The following RAB38 variants were observed in gnomAD, a reference collection of about 807,000 sequenced individuals.
RAB38 encodes the protein RAB38, member RAS oncogene family.
A neutral mutation model predicts 18.4 loss-of-function variants in RAB38; 15 were observed. The observed-to-expected ratio is 0.82, with a 90% CI of 0.55 to 1.26. The LOEUF (loss-of-function observed/expected upper bound fraction) is 1.26, where lower values mean the gene tolerates loss of function less well. Among genes scored for constraint, RAB38 ranks in the 50% most tolerant of loss-of-function variants. The pLI, the probability that RAB38 is intolerant of heterozygous loss-of-function variation, is 0.00. For missense variants in RAB38, 294 were observed against 267.4 expected (o/e 1.10, Z -0.69); for synonymous variants, 101 against 104.4 (o/e 0.97, Z 0.20).
chr11:87,872,699 A>G, the RAB38 span, among the ~76,000 whole-genome samples: 2 of 151,500 alleles, frequency 1.3e-5, no homozygotes, highest in African/African-American at 2.4e-5. Context: ...ATTTCATTTT[A>G]CTTAATAGTA....
chr11:88,085,212 C>G, the RAB38 span, among the ~76,000 whole-genome samples: 1 of 151,878 alleles, frequency 6.6e-6, no homozygotes, highest in Non-Finnish European at 1.5e-5. Context: ...AGGGTGAGAA[C>G]CAACCTCATT....
the RAB38 span, among the ~76,000 whole-genome samples, chr11:87,964,260 C>G: frequency 6.6e-6 from 1 of 152,112 alleles, no homozygotes; most frequent in Non-Finnish European, 1.5e-5. Flanking sequence ...CGTGATCAGT[C>G]AGCAGGTCAG....
intron 1 of RAB38, among the ~76,000 whole-genome samples, chr11:88,162,953 A>T (rs1268971549): frequency 6.6e-6 from 1 of 152,044 alleles, no homozygotes; most frequent in African/African-American, 2.4e-5. Flanking sequence ...GATTCTACCC[A>T]TTCTTTAAGG....
At chr11:88,163,466 C>T (rs1489168767) in intron 1 of RAB38, among the ~76,000 whole-genome samples, 1 of 152,096 alleles carries the variant, frequency 6.6e-6, no homozygotes, top group Admixed American at 6.6e-5. Context: ...CAGAACCACC[C>T]AAACTCTTTT....
chr11:87,956,047 G>T, the RAB38 span, among the ~76,000 whole-genome samples: 5 of 151,956 alleles, frequency 3.3e-5, no homozygotes, highest in Admixed American at 2.0e-4. Flanking sequence ...AAAAGTCTCC[G>T]TTCTACAGTA....
At chr11:87,971,609 C>T in the RAB38 span, among the ~76,000 whole-genome samples, 30 of 152,124 alleles carry the variant, frequency 2.0e-4, no homozygotes, top group East Asian at 7.7e-4. Flanking sequence ...GGCCATTGGA[C>T]GCTAACAGCT....
At chr11:87,860,185 T>A in the RAB38 span, among the ~76,000 whole-genome samples, 5 of 151,948 alleles carry the variant, frequency 3.3e-5, no homozygotes, top group African/African-American at 9.7e-5. Context: ...ATCATAAGGA[T>A]GTTCATCATA....
chr11:87,900,169 A>G, the RAB38 span, among the ~76,000 whole-genome samples: 2 of 151,658 alleles, frequency 1.3e-5, no homozygotes, highest in East Asian at 1.9e-4. Flanking sequence ...TAAAATATGA[A>G]GGAGGGGTTT....
At chr11:87,819,961 ATTGG>A in the RAB38 span, among the ~76,000 whole-genome samples, 1 of 152,066 alleles carries the variant, frequency 6.6e-6, no homozygotes, top group Non-Finnish European at 1.5e-5. Flanking sequence ...GACTGCTCCT[ATTGG>A]TTGGTTATAC....
At chr11:88,005,396 A>T in the RAB38 span, among the ~76,000 whole-genome samples, 1 of 131,670 alleles carries the variant, frequency 7.6e-6, no homozygotes, top group African/African-American at 2.9e-5. Context: ...AATAAAAACC[A>T]TTAAAAAAAA....
the RAB38 span, among the ~76,000 whole-genome samples, chr11:87,911,987 T>G: frequency 6.6e-6 from 1 of 151,912 alleles, no homozygotes; most frequent in Non-Finnish European, 1.5e-5. Context: ...TCTGTTTTAG[T>G]CTCTTATTGT....
chr11:88,075,517 G>A, the RAB38 span, among the ~76,000 whole-genome samples: 2 of 152,132 alleles, frequency 1.3e-5, no homozygotes, highest in Admixed American at 1.3e-4. Flanking sequence ...ACGTACCAAG[G>A]TCTTTGGGAT....
chr11:88,016,637 C>A, the RAB38 span, among the ~76,000 whole-genome samples: 1 of 151,928 alleles, frequency 6.6e-6, no homozygotes, highest in Admixed American at 6.6e-5. Flanking sequence ...TTATAGATGA[C>A]CTATCAATGT....
At chr11:87,814,022 A>G in the RAB38 span, among the ~76,000 whole-genome samples, 1 of 152,150 alleles carries the variant, frequency 6.6e-6, no homozygotes, top group Admixed American at 6.5e-5. Flanking sequence ...TAATCTTACT[A>G]AGAGTCAATA....
chr11:88,172,989 T>C (rs745820665), intron 1 of RAB38, among the ~76,000 whole-genome samples: 5 of 152,214 alleles, frequency 3.3e-5, no homozygotes, highest in Non-Finnish European at 7.3e-5. Flanking sequence ...TAGAATGAAC[T>C]TCCCAAGACT....
At chr11:87,937,207 A>C in the RAB38 span, among the ~76,000 whole-genome samples, 1 of 150,804 alleles carries the variant, frequency 6.6e-6, no homozygotes, top group Non-Finnish European at 1.5e-5. Flanking sequence ...CATTGATGTG[A>C]TCAGGTAACT....
chr11:87,813,832 T>C, the RAB38 span, among the ~76,000 whole-genome samples: 1 of 152,190 alleles, frequency 6.6e-6, no homozygotes. Flanking sequence ...TAACCAATGC[T>C]AAATATTAGT....
At chr11:88,035,459 T>C in the RAB38 span, among the ~76,000 whole-genome samples, 1 of 152,142 alleles carries the variant, frequency 6.6e-6, no homozygotes, top group Non-Finnish European at 1.5e-5. Context: ...AAGGGGAGTT[T>C]ATTAAGGAGT....
At chr11:88,035,697 AAT>A in the RAB38 span, among the ~76,000 whole-genome samples, 1 of 152,232 alleles carries the variant, frequency 6.6e-6, no homozygotes, top group Non-Finnish European at 1.5e-5. Context: ...TAAGGATCTG[AAT>A]ACCTCAAATT....
Sources: gnomAD v4.1 joint callset for allele counts (sites outside exome capture counted in the v4.1 genomes callset) on GRCh38, gnomAD v4.1.1 for gene constraint, MANE v1.5 for transcripts, NCBI Gene and HGNC (gene_info 2026-07-23, HGNC 2026-07-21) for gene names.